The following SLIT2 variants were observed in gnomAD, a reference collection of about 807,000 sequenced individuals.
The protein encoded by SLIT2 is slit homolog 2 protein.
In SLIT2, 41 loss-of-function variants were observed where a neutral mutation model predicts 185.7. The ratio of observed to expected loss-of-function variants is 0.22; its 90% CI spans 0.17 to 0.29. SLIT2 has a LOEUF of 0.29. SLIT2 is among the 10% of genes least tolerant of loss of function. SLIT2 has a pLI of 1.00. For synonymous variants in SLIT2, 693 were observed against 680.2 expected (o/e 1.02, Z -0.29); for missense variants, 1,571 against 1,909.0 (o/e 0.82, Z 3.30).
chr4:20,461,991 T>C (rs780610017), intron 4 of SLIT2, among the ~76,000 whole-genome samples: 13 of 152,078 alleles, frequency 8.5e-5, no homozygotes, highest in Non-Finnish European at 1.6e-4. Context: ...CTGGGGACAC[T>C]GCTGGGGTGG....
At chr4:20,397,876 A>C (rs1726034894) in intron 4 of SLIT2, among the ~76,000 whole-genome samples, 1 of 151,812 alleles carries the variant, frequency 6.6e-6, no homozygotes, top group African/African-American at 2.4e-5. Flanking sequence ...TCTAGAACTA[A>C]CTTTCTGTGA....
At chr4:20,592,873 A>G (rs1727626241) in intron 30 of SLIT2, among the ~76,000 whole-genome samples, 1 of 152,150 alleles carries the variant, frequency 6.6e-6, no homozygotes, top group African/African-American at 2.4e-5. Context: ...CAAAGCAAGC[A>G]TGCTTATGCA....
chr4:20,254,802 G>C lies in SLIT2; in HGVS notation c.179+808G>C, dbSNP rs902254579. 2 of 408,322 alleles carry C rather than the reference G, an allele frequency of 4.9e-6. No individual in the cohort carries two copies. The highest frequency in any genetic ancestry group is 1.4e-4 in the East Asian group (2 of 14,094). The allele number at this position is 408,322 out of a possible 1,614,324, so 25.3% of individuals were successfully genotyped here. A position where few individuals can be genotyped will look rare whatever the true frequency, so the allele number is the denominator to read the frequency against. On this transcript the variant is annotated intron_variant, in intron 1 of 36. Coordinates refer to ENST00000504154, the MANE Select transcript of SLIT2 (RefSeq NM_004787.4). This position sits in a 1 kb window ranked among gnomAD's most constrained non-coding sequence, Gnocchi z 5.1. Reference sequence around the variant, plus strand: ...GCTGCCCCCTCCGGCCCTTCCTGCTGAACCCCTGCGTCCCCATCCACCTTT... The same window carrying C: ...GCTGCCCCCTCCGGCCCTTCCTGCTCAACCCCTGCGTCCCCATCCACCTTT...
In SLIT2 at chr4:20,326,518, T is replaced by C. The variant is rs143438763; in HGVS notation, c.395+57637T>C. ...TTGCTCATTTCCAACTTTGTGCTTT[T>C]ATTTTTTCTGGTTCTTGTTGCATGT... On this transcript the variant is annotated intron_variant, in intron 4 of 36. Coordinates refer to ENST00000504154, the MANE Select transcript of SLIT2 (RefSeq NM_004787.4). 3.2e-4 allele frequency among the ~76,000 whole-genome samples: 49 copies of C among 152,160 alleles called. No individual in the cohort carries two copies. The East Asian group carries it at 9.3e-3, about 29-fold the overall frequency.
intron 4 of SLIT2, among the ~76,000 whole-genome samples, chr4:20,392,528 A>G (rs775326975): frequency 1.3e-5 from 2 of 152,134 alleles, no homozygotes; most frequent in African/African-American, 2.4e-5. Context: ...TTCTGCAATA[A>G]TAAATTAACT....
intron 4 of SLIT2, among the ~76,000 whole-genome samples, chr4:20,373,569 C>T (rs1723767143): frequency 6.6e-6 from 1 of 151,984 alleles, no homozygotes; most frequent in Admixed American, 6.6e-5. Flanking sequence ...TTAATATGCA[C>T]ATGTATATGT....
Position 20,422,841 on chromosome 4 carries a change from G to A in SLIT2, c.396-44911G>A, listed in dbSNP as rs141151080. Among the ~76,000 whole-genome samples the A allele has an allele frequency of 7.2e-4, 109 of 152,056 alleles. 3 individuals carry two copies. The highest frequency in any genetic ancestry group is 4.5e-3 in the Admixed American group (69 of 15,270). ...GAAAATGAGAATGGAAATAGAGGTC[G>A]GAGTGAAGTGGATGTGCAGAATACT... On this transcript the variant is annotated intron_variant, in intron 4 of 36. Transcript: ENST00000504154.
intron 4 of SLIT2, among the ~76,000 whole-genome samples, chr4:20,276,132 A>G (rs1225920455): frequency 6.6e-6 from 1 of 152,178 alleles, no homozygotes; most frequent in Non-Finnish European, 1.5e-5. Flanking sequence ...ACTACTAATT[A>G]TGTCAAAATC....
chr4:20,301,706 C>T (rs1717060000), intron 4 of SLIT2, among the ~76,000 whole-genome samples: 1 of 152,106 alleles, frequency 6.6e-6, no homozygotes, highest in Non-Finnish European at 1.5e-5. Context: ...GATGTATTTT[C>T]ATTTGTAAAT....
intron 4 of SLIT2, among the ~76,000 whole-genome samples, chr4:20,349,508 A>G (rs1215431678): frequency 6.6e-6 from 1 of 152,106 alleles, no homozygotes; most frequent in Non-Finnish European, 1.5e-5. Context: ...TAAAGATATG[A>G]TGCTATTGAA....
At chr4:20,594,126 C>CAT (rs1351893106) in intron 30 of SLIT2, among the ~76,000 whole-genome samples, 1 of 147,326 alleles carries the variant, frequency 6.8e-6, no homozygotes, top group Non-Finnish European at 1.5e-5. Context: ...TACACATGTG[C>CAT]ATATATATAC....
intron 4 of SLIT2, among the ~76,000 whole-genome samples, chr4:20,450,265 G>A (rs973502383): frequency 7.2e-5 from 11 of 152,214 alleles, no homozygotes; most frequent in Non-Finnish European, 1.5e-4. Flanking sequence ...GCTGTGACAA[G>A]AATGAGTATT....
chr4:20,482,444 C>T (rs962336263), intron 6 of SLIT2, among the ~76,000 whole-genome samples: 1 of 151,882 alleles, frequency 6.6e-6, no homozygotes, highest in Non-Finnish European at 1.5e-5. Flanking sequence ...ATCTTTTACC[C>T]ACAAATACAA....
intron 5 of SLIT2, among the ~76,000 whole-genome samples, chr4:20,475,316 G>GGTT (rs1715975518): frequency 7.1e-6 from 1 of 140,806 alleles, no homozygotes; most frequent in African/African-American, 2.6e-5. Context: ...TGAGGTTTTG[G>GGTT]TTTTTTTTTT....
chr4:20,601,603 G>A (rs1266140307), intron 33 of SLIT2, among the ~76,000 whole-genome samples: 4 of 151,890 alleles, frequency 2.6e-5, no homozygotes, highest in Middle Eastern at 3.2e-3. Context: ...GCTCTGATAC[G>A]GCTAATTTTT....
chr4:20,415,183 G>A (rs1285265751), intron 4 of SLIT2, among the ~76,000 whole-genome samples: 9 of 152,088 alleles, frequency 5.9e-5, no homozygotes, highest in Non-Finnish European at 1.0e-4. Flanking sequence ...AGGCCGAGGC[G>A]GGCGGATCAC....
intron 4 of SLIT2, among the ~76,000 whole-genome samples, chr4:20,316,128 G>T (rs1371787142): frequency 1.3e-5 from 2 of 151,944 alleles, no homozygotes; most frequent in African/African-American, 4.8e-5. Context: ...TTATTCTAAG[G>T]TTTATTGCTT....
chr4:20,360,483 A>G (rs1370489472), intron 4 of SLIT2, among the ~76,000 whole-genome samples: 3 of 152,164 alleles, frequency 2.0e-5, no homozygotes, highest in Admixed American at 6.6e-5. Flanking sequence ...GTTACTTAGT[A>G]AATTAGTTTT....
chr4:20,620,180 A>G lies in SLIT2; in HGVS notation c.*1171A>G. ...TGTAGCAATCAACACTAGAAAGTAG[A>G]CCTTTTGCAAATTAATATGTCCTTG... On this transcript the variant is annotated 3_prime_UTR_variant, in exon 37 of 37. Coordinates refer to ENST00000504154, the MANE Select transcript of SLIT2 (RefSeq NM_004787.4). 2 of 305,968 alleles carry G rather than the reference A, an allele frequency of 6.5e-6. No homozygotes were observed. The highest frequency in any genetic ancestry group is 1.3e-5 in the Non-Finnish European group (2 of 158,344). The allele number at this position is 305,968 out of a possible 1,614,324, so 19.0% of individuals were successfully genotyped here. A position where few individuals can be genotyped will look rare whatever the true frequency, so the allele number is the denominator to read the frequency against.
Sources: allele counts gnomAD v4.1 joint callset (sites outside exome capture counted in the v4.1 genomes callset), GRCh38; gene constraint gnomAD v4.1.1; non-coding constraint Gnocchi (gnomAD v3.1); transcripts MANE v1.5; gene names NCBI Gene and HGNC (gene_info 2026-07-23, HGNC 2026-07-21).